Variants in PDE8B observed in about 807,000 individuals in gnomAD.
The protein encoded by PDE8B is high affinity cAMP-specific and IBMX-insensitive 3',5'-cyclic phosphodiesterase 8B.
PDE8B carries 26 observed loss-of-function variants against 101.3 expected under a neutral mutation model. The ratio of observed to expected loss-of-function variants is 0.26; its 90% CI spans 0.19 to 0.36. The LOEUF is 0.36. Ranked by LOEUF, PDE8B falls within the 10% of genes least tolerant of loss-of-function variation. The pLI is 1.00. For missense variants in PDE8B, 810 were observed against 1,163.1 expected (o/e 0.70, Z 4.42); for synonymous variants, 424 against 429.3 (o/e 0.99, Z 0.15).
the PDE8B span, among the ~76,000 whole-genome samples, chr5:77,173,599 A>G: frequency 6.6e-6 from 1 of 152,030 alleles, no homozygotes; most frequent in Admixed American, 6.5e-5. Flanking sequence ...GGAAGGGCGA[A>G]TATTTCCTAA....
intron 10 of PDE8B, among the ~76,000 whole-genome samples, chr5:77,383,764 C>T (rs893494558): frequency 2.6e-5 from 4 of 152,106 alleles, no homozygotes; most frequent in African/African-American, 9.7e-5. Flanking sequence ...TTGTTTTTGT[C>T]AGGTTTGTCA....
chr5:77,334,073 T>C (rs1233285351), intron 5 of PDE8B, among the ~76,000 whole-genome samples: 1 of 152,256 alleles, frequency 6.6e-6, no homozygotes, highest in East Asian at 1.9e-4. Flanking sequence ...CTGATCTTCA[T>C]GTGGTGGTTC....
the PDE8B span, among the ~76,000 whole-genome samples, chr5:77,166,226 T>TAAAA: frequency 1.5e-3 from 169 of 116,318 alleles, no homozygotes; most frequent in South Asian, 6.3e-3. Context: ...TCGGTAAAGA[T>TAAAA]AAAAAAAAAA....
chr5:77,125,549 A>C, the PDE8B span, among the ~76,000 whole-genome samples: 5 of 152,236 alleles, frequency 3.3e-5, no homozygotes, highest in Non-Finnish European at 5.9e-5. Context: ...AAAAGCCAAA[A>C]GGCATAAACA....
chr5:77,116,666 T>C, the PDE8B span, among the ~76,000 whole-genome samples: 1 of 152,180 alleles, frequency 6.6e-6, no homozygotes, highest in Admixed American at 6.5e-5. Flanking sequence ...AGTTCCAAGT[T>C]GAGAGCAAAT....
At chr5:77,329,254 C>G (rs1776652117) in intron 4 of PDE8B, among the ~76,000 whole-genome samples, 197 bp downstream of exon 4, 1 of 152,106 alleles carries the variant, frequency 6.6e-6, no homozygotes, top group South Asian at 2.1e-4. Flanking sequence ...TTCTCTGTAT[C>G]TTGTGTAATT....
chr5:77,291,642 A>G (rs1325573261), intron 1 of PDE8B: 1 of 1,596,790 alleles, frequency 6.3e-7, no homozygotes, highest in Non-Finnish European at 8.6e-7. Context: ...CAACATTCCA[A>G]CAAGTGGGGC....
At chr5:77,335,423 T>C (rs2150325106) in intron 5 of PDE8B, among the ~76,000 whole-genome samples, 2 of 152,230 alleles carry the variant, frequency 1.3e-5, no homozygotes, top group South Asian at 4.1e-4. Context: ...CTTCCTTAGC[T>C]CTTCCCAGCT....
chr5:77,109,143 G>T, the PDE8B span, among the ~76,000 whole-genome samples: 1 of 152,198 alleles, frequency 6.6e-6, no homozygotes, highest in Non-Finnish European at 1.5e-5. Context: ...AAATGATTTT[G>T]CAAAGTTCTA....
chr5:77,426,507 C>A lies in PDE8B; in HGVS notation c.2611C>A (p.Leu871Ile). Residue 871 changes from leucine to isoleucine, a missense_variant, in exon 22 of 22, where the codon CTA (leucine) becomes ATA (isoleucine). Physicochemically the swap from Leu to Ile is conservative, Grantham distance 5. Coordinates refer to ENST00000264917, the MANE Select transcript of PDE8B (RefSeq NM_003719.5). ...LADNYKHWKT[L>I]DDLKCKSLRL... The stretch of plus-strand genomic sequence containing the variant: ...TGACAACTACAAACACTGGAAGACA[C>A]TAGATGACCTAAAGTGCAAAAGTTT... 1 of 1,613,710 alleles carries A rather than the reference C, an allele frequency of 6.2e-7. No individual in the cohort carries two copies.
intron 1 of PDE8B, among the ~76,000 whole-genome samples, chr5:77,232,281 T>C (rs1753734483): frequency 6.6e-6 from 1 of 152,268 alleles, no homozygotes; most frequent in African/African-American, 2.4e-5. Context: ...TTAAACTTTG[T>C]ACATTCTCCT....
chr5:77,402,662 C>T lies in PDE8B; in HGVS notation c.1211-2058C>T, dbSNP rs184953205. On this transcript the variant is annotated intron_variant, in intron 11 of 21. Transcript: ENST00000264917. ...ATTAATAGCCCCCATATACTACATG[C>T]TCACTATGTGGCAGACACTGTTCTA... Among the ~76,000 whole-genome samples, 255 of 152,326 alleles carry T rather than the reference C, an allele frequency of 1.7e-3. 1 individual carries two copies. The highest frequency in any genetic ancestry group is 5.9e-3 in the African/African-American group (245 of 41,578).
At chr5:77,097,730 T>TATACAC in the PDE8B span, among the ~76,000 whole-genome samples, 10 of 64,796 alleles carry the variant, frequency 1.5e-4, no homozygotes, top group South Asian at 3.3e-3. Context: ...TATATATATA[T>TATACAC]ATACATACAT....
chr5:77,151,155 G>A, the PDE8B span: 1 of 152,272 alleles, frequency 6.6e-6, no homozygotes, highest in East Asian at 1.9e-4. Flanking sequence ...TGGCAAATGG[G>A]AATGTGCAGA....
chr5:77,184,405 G>A, the PDE8B span, among the ~76,000 whole-genome samples: 2 of 152,172 alleles, frequency 1.3e-5, no homozygotes, highest in Non-Finnish European at 2.9e-5. Context: ...CAGAAGTATT[G>A]TCTATAAACT....
intron 1 of PDE8B, among the ~76,000 whole-genome samples, chr5:77,262,973 T>C (rs930017440): frequency 6.6e-6 from 1 of 152,216 alleles, no homozygotes; most frequent in Non-Finnish European, 1.5e-5. Flanking sequence ...TTTTTTCTGA[T>C]GTAATAGTAA....
rs564361675 is a variant in PDE8B, at chr5:77,297,552, C to T, written c.340-14442C>T. ...TTCAGGGACCACACCTTGAGAACCA[C>T]GGGGATCATTGCAGGAACTCCTTTC... On this transcript the variant is annotated intron_variant, in intron 1 of 21. Transcript: ENST00000264917. Among the ~76,000 whole-genome samples the T allele has an allele frequency of 9.2e-5, 14 of 152,312 alleles. No homozygotes were observed. The East Asian group carries it at 1.7e-3, about 19-fold the overall frequency.
At chr5:77,363,488 C>T (rs776613715) in intron 10 of PDE8B, among the ~76,000 whole-genome samples, 4 of 151,752 alleles carry the variant, frequency 2.6e-5, no homozygotes, top group South Asian at 2.1e-4. Context: ...CCGAGGTGGG[C>T]GGATCACGAG....
chr5:77,408,875 CT>C lies in PDE8B; in HGVS notation c.1366-15del, dbSNP rs766369316. On this transcript the variant is annotated splice_polypyrimidine_tract_variant and intron_variant, in intron 13 of 21. Coordinates refer to ENST00000264917, the MANE Select transcript of PDE8B (RefSeq NM_003719.5). ...GAACCCTATTATCCTCAGATGTATT[CT>C]TTCTTCACTCCGTTAGGTTATAAAT... The C allele has an allele frequency of 3.1e-6, 5 of 1,604,530 alleles. No homozygotes were observed. The highest frequency in any genetic ancestry group is 4.3e-6 in the Non-Finnish European group (5 of 1,171,246).
Sources: gnomAD v4.1 joint callset for allele counts (sites outside exome capture counted in the v4.1 genomes callset) on GRCh38, gnomAD v4.1.1 for gene constraint, MANE v1.5 for transcripts, NCBI Gene and HGNC (gene_info 2026-07-23, HGNC 2026-07-21) for gene names.